The following LUC7L variants were observed in gnomAD, a reference collection of about 807,000 sequenced individuals.
LUC7L encodes the protein LUC7 like.
In LUC7L, 29 loss-of-function variants were observed where a neutral mutation model predicts 51.1. That is an observed-to-expected ratio of 0.57 (90% CI 0.42 to 0.77). The LOEUF is 0.77. Ranked by LOEUF, LUC7L falls within the 30% of genes least tolerant of loss-of-function variation. The pLI is 0.00. For synonymous variants in LUC7L, 181 were observed against 180.7 expected (o/e 1.00, Z -0.01); for missense variants, 403 against 511.9 (o/e 0.79, Z 2.05).
At chr16:218,398 A>C (rs1205158474) in intron 3 of LUC7L, among the ~76,000 whole-genome samples, 1 of 152,162 alleles carries the variant, frequency 6.6e-6, no homozygotes, top group South Asian at 2.1e-4. Flanking sequence ...TTAGGGATTA[A>C]AAAACAATTA....
intron 1 of LUC7L, chr16:228,625 T>A: frequency 8.4e-7 from 1 of 1,184,294 alleles, no homozygotes; most frequent in Non-Finnish European, 1.1e-6. Flanking sequence ...AGGTATATAG[T>A]TTTGCAAAGA....
chr16:206,806 C>G (rs966987621), intron 4 of LUC7L, among the ~76,000 whole-genome samples: 5 of 151,074 alleles, frequency 3.3e-5, no homozygotes, highest in Non-Finnish European at 7.4e-5. Flanking sequence ...CACCTGTAAT[C>G]CCAGCACTTC....
chr16:227,305 T>C lies in LUC7L; in HGVS notation c.93A>G (p.Thr31=), dbSNP rs1220350684. ...GGTGACTCTTGCAGACACGGTCATC[T>C]GTAAACTTGACCCTCTGTCTGGTTT... ...GDETRQRVKF[T]DDRVCKSHLL... The change falls in exon 2 of 10, where the codon ACA becomes ACG. Residue 31 remains threonine, a synonymous_variant. Coordinates refer to ENST00000293872, the MANE Select transcript of LUC7L (RefSeq NM_201412.3). 5 of 1,612,098 alleles carry C rather than the reference T, an allele frequency of 3.1e-6. No individual in the cohort carries two copies. The highest frequency in any genetic ancestry group is 4.2e-6 in the Non-Finnish European group (5 of 1,178,964).
intron 1 of LUC7L, chr16:228,460 G>T: frequency 4.0e-6 from 5 of 1,250,636 alleles, no homozygotes; most frequent in Non-Finnish European, 5.2e-6. Context: ...TAAAAATATG[G>T]GAAGCAATTC....
chr16:222,195 G>A (rs548878274), intron 2 of LUC7L, among the ~76,000 whole-genome samples: 11 of 152,138 alleles, frequency 7.2e-5, no homozygotes, highest in African/African-American at 2.2e-4. Flanking sequence ...TCTGCCTCTC[G>A]CCATCTACAC....
chr16:216,052 A>G (rs935653750), intron 3 of LUC7L, among the ~76,000 whole-genome samples: 41 of 152,020 alleles, frequency 2.7e-4, no homozygotes, highest in Non-Finnish European at 8.8e-5. Flanking sequence ...CCCAGGCTAC[A>G]GTGCAATGGC....
chr16:227,393 A>T, intron 1 of LUC7L, 57 bp from the exon 2 acceptor site: 7 of 1,545,734 alleles, frequency 4.5e-6, no homozygotes, highest in Non-Finnish European at 6.1e-6. Context: ...CCACCAAAAA[A>T]TAACTAGTAT....
At chr16:216,443 C>T (rs1445777191) in intron 3 of LUC7L, among the ~76,000 whole-genome samples, 1 of 137,200 alleles carries the variant, frequency 7.3e-6, no homozygotes, top group African/African-American at 2.8e-5. Context: ...AGTGCAGTGG[C>T]ACAATGTCGG....
At chr16:190,455 T>C (rs1182406004) in intron 8 of LUC7L, 86 bp downstream of exon 8, 1 of 1,399,736 alleles carries the variant, frequency 7.1e-7, no homozygotes, top group Admixed American at 1.7e-5. Context: ...CCAGGTAACA[T>C]TTGTAAAGGC....
intron 5 of LUC7L, among the ~76,000 whole-genome samples, chr16:205,121 G>C (rs936785532): frequency 1.3e-5 from 2 of 152,150 alleles, no homozygotes; most frequent in Non-Finnish European, 2.9e-5. Context: ...TCTGCACTAC[G>C]TTTGTTAACA....
intron 2 of LUC7L, among the ~76,000 whole-genome samples, chr16:223,938 G>A (rs761701879): frequency 2.0e-5 from 3 of 151,654 alleles, no homozygotes; most frequent in Non-Finnish European, 4.4e-5. Flanking sequence ...TCCTCCTCCC[G>A]AAGTGCTGGG....
intron 3 of LUC7L, among the ~76,000 whole-genome samples, chr16:218,009 G>C (rs996802810): frequency 2.8e-5 from 4 of 141,088 alleles, no homozygotes; most frequent in Admixed American, 7.5e-5. Flanking sequence ...TGGGCGACAA[G>C]AGCAAAACTA....
intron 7 of LUC7L, among the ~76,000 whole-genome samples, chr16:192,631 T>A (rs2049040082): frequency 6.6e-6 from 1 of 150,942 alleles, no homozygotes; most frequent in Non-Finnish European, 1.5e-5. Context: ...AGCCTCCGAG[T>A]AGCTAGGATT....
At chr16:226,727 T>C (rs1441811585) in intron 2 of LUC7L, among the ~76,000 whole-genome samples, 2 of 152,232 alleles carry the variant, frequency 1.3e-5, no homozygotes, top group Non-Finnish European at 2.9e-5. Flanking sequence ...GCATATTTTT[T>C]GCTACAGCCA....
chr16:210,054 A>G (rs564284872), intron 3 of LUC7L, among the ~76,000 whole-genome samples: 4 of 152,150 alleles, frequency 2.6e-5, no homozygotes, highest in African/African-American at 9.6e-5. Context: ...TTGGGAGGCC[A>G]AGGCGGGTGG....
intron 1 of LUC7L, 154 bp downstream of exon 1, chr16:229,124 CA>C: frequency 7.1e-7 from 1 of 1,408,636 alleles, no homozygotes; most frequent in Non-Finnish European, 9.2e-7. Flanking sequence ...CCGGCTTAGA[CA>C]AAGGCCCGGC....
chr16:212,190 G>A (rs528101255), intron 3 of LUC7L, among the ~76,000 whole-genome samples: 40 of 152,312 alleles, frequency 2.6e-4, no homozygotes, highest in Non-Finnish European at 5.0e-4. Flanking sequence ...CTACTCAGGA[G>A]GCTGAGGCAG....
intron 1 of LUC7L, chr16:227,815 C>G: frequency 1.0e-6 from 1 of 999,964 alleles, no homozygotes; most frequent in Middle Eastern, 4.0e-4. Context: ...CTTTCAAACT[C>G]TATCGAAGAC....
intron 3 of LUC7L, chr16:208,605 C>CT: frequency 1.0e-6 from 1 of 997,286 alleles, no homozygotes. Flanking sequence ...ACTCACTGGT[C>CT]TTTGTGAGCC....
Sources: allele counts gnomAD v4.1 joint callset (sites outside exome capture counted in the v4.1 genomes callset), GRCh38; gene constraint gnomAD v4.1.1; transcripts MANE v1.5; gene names NCBI Gene and HGNC (gene_info 2026-07-23, HGNC 2026-07-21).